Variants in ANKFY1 observed in about 807,000 individuals in gnomAD.
The protein encoded by ANKFY1 is ankyrin repeat and FYVE domain-containing protein 1.
A neutral mutation model predicts 128.3 loss-of-function variants in ANKFY1; 47 were observed. That is an observed-to-expected ratio of 0.37 (90% CI 0.29 to 0.47). ANKFY1 has a LOEUF of 0.47. Ranked by LOEUF, ANKFY1 falls within the 20% of genes least tolerant of loss-of-function variation. The probability of loss-of-function intolerance (pLI) is 1.00; values close to 1 mark genes in which losing one functional copy is unlikely to be tolerated. For missense variants in ANKFY1, 1,222 were observed against 1,510.6 expected (o/e 0.81, Z 3.17); for synonymous variants, 553 against 601.6 (o/e 0.92, Z 1.18).
At chr17:4,201,485 T>C (rs1169166612) in intron 7 of ANKFY1, among the ~76,000 whole-genome samples, 7 of 1,574 alleles carry the variant, frequency 4.4e-3, no homozygotes, top group African/African-American at 5.8e-3. Flanking sequence ...TCTGATTTTT[T>C]TTTTTTTTTT....
rs746321528 is a variant in ANKFY1 at position 4,182,337 on chromosome 17, C to A, written c.1965G>T (p.Gly655=). ...QADINVRTQD[G]ETALQLAIRN... Reference sequence around the variant, plus strand: ...TGATGGCCAGCTGGAGGGCTGTCTCCCCGTCCTGAGTCCTGCTAGGACATG... The same window carrying A: ...TGATGGCCAGCTGGAGGGCTGTCTCACCGTCCTGAGTCCTGCTAGGACATG... The change falls in exon 15 of 25, where the codon GGG becomes GGT. Residue 655 remains glycine (G), a synonymous_variant. Transcript: ENST00000341657. 3.1e-5 allele frequency: 49 copies of A among 1,580,628 alleles called. No individual in the cohort carries two copies. The East Asian group carries it at 6.6e-4, about 21-fold the overall frequency.
intron 4 of ANKFY1, 81 bp from the exon 5 acceptor site, chr17:4,210,028 C>T: frequency 7.1e-7 from 1 of 1,414,410 alleles, no homozygotes; most frequent in Non-Finnish European, 9.7e-7. Context: ...CATCTTTGTA[C>T]TGGCTGGCTA....
Position 4,246,783 on chromosome 17 carries a change from T to C in ANKFY1, c.11-4335A>G, listed in dbSNP as rs376500873. Among the ~76,000 whole-genome samples, 102 of 152,318 alleles carry C rather than the reference T, an allele frequency of 6.7e-4. 1 individual carries two copies. In the South Asian group the frequency reaches 0.019, roughly 29 times the overall value. ...TGCAAATATTTATGCATTAAGCATT[T>C]TGGCAGATTAGGAGGTGCCTCTTTT... On this transcript the variant is annotated intron_variant, in intron 1 of 24. Coordinates refer to ENST00000341657, the MANE Select transcript of ANKFY1 (RefSeq NM_001330063.2).
At chr17:4,184,707 A>G (rs2059579207) in intron 12 of ANKFY1, 111 bp downstream of exon 12, 1 of 1,213,654 alleles carries the variant, frequency 8.2e-7, no homozygotes, top group African/African-American at 1.5e-5. Flanking sequence ...TTTGGGGGTA[A>G]GAAACTAGCC....
At chr17:4,218,073 G>C (rs932886154) in intron 3 of ANKFY1, among the ~76,000 whole-genome samples, 8 of 152,150 alleles carry the variant, frequency 5.3e-5, no homozygotes, top group African/African-American at 1.9e-4. Flanking sequence ...GATACAAATA[G>C]GTAATTCACA....
chr17:4,227,249 A>C (rs1457131513), intron 3 of ANKFY1, among the ~76,000 whole-genome samples: 2 of 152,190 alleles, frequency 1.3e-5, no homozygotes, highest in Non-Finnish European at 2.9e-5. Flanking sequence ...AATCTGATAG[A>C]GACATTAAAA....
intron 19 of ANKFY1, among the ~76,000 whole-genome samples, chr17:4,175,890 G>A (rs998340818): frequency 6.6e-6 from 1 of 152,138 alleles, no homozygotes; most frequent in African/African-American, 2.4e-5. Flanking sequence ...TGGAAGACCC[G>A]CTGTTTCTAG....
intron 1 of ANKFY1, among the ~76,000 whole-genome samples, chr17:4,251,023 G>A (rs1279135411): frequency 1.3e-5 from 2 of 152,162 alleles, no homozygotes; most frequent in East Asian, 3.8e-4. Context: ...GCATTTACCT[G>A]ACTCAAGGCT....
intron 5 of ANKFY1, among the ~76,000 whole-genome samples, chr17:4,209,250 TGGAG>T (rs2060082178): frequency 1.3e-5 from 2 of 152,180 alleles, no homozygotes; most frequent in Non-Finnish European, 2.9e-5. Flanking sequence ...CTTCCACAGA[TGGAG>T]GGTGAAGGCA....
At chr17:4,204,018 C>T (rs939322385) in intron 7 of ANKFY1, among the ~76,000 whole-genome samples, 14 of 152,106 alleles carry the variant, frequency 9.2e-5, no homozygotes, top group African/African-American at 3.4e-4. Flanking sequence ...TCCCCCAAGA[C>T]ACTGCCTGCC....
chr17:4,218,401 A>T (rs900639860), intron 3 of ANKFY1, among the ~76,000 whole-genome samples: 3 of 152,246 alleles, frequency 2.0e-5, no homozygotes, highest in Admixed American at 2.0e-4. Context: ...TATATTCAAC[A>T]TAAGATATTT....
chr17:4,175,562 C>G (rs2059397974), intron 19 of ANKFY1, among the ~76,000 whole-genome samples: 1 of 152,158 alleles, frequency 6.6e-6, no homozygotes, highest in South Asian at 2.1e-4. Context: ...CTGGTTCCTC[C>G]GTGTGTACAG....
intron 1 of ANKFY1, among the ~76,000 whole-genome samples, chr17:4,251,581 A>G (rs1967835883): frequency 6.6e-6 from 1 of 151,798 alleles, no homozygotes; most frequent in South Asian, 2.1e-4. Flanking sequence ...ACTAAAACAT[A>G]GCAAAAATCT....
At chr17:4,254,393 G>C (rs1219308014) in intron 1 of ANKFY1, among the ~76,000 whole-genome samples, 10 of 150,978 alleles carry the variant, frequency 6.6e-5, no homozygotes, top group African/African-American at 2.4e-4. Context: ...AGAACAGAGA[G>C]AAATTTGAAG....
At chr17:4,195,639 C>CT (rs941880422) in intron 8 of ANKFY1, among the ~76,000 whole-genome samples, 168 bp from the exon 9 acceptor site, 2 of 152,138 alleles carry the variant, frequency 1.3e-5, no homozygotes, top group African/African-American at 4.8e-5. Context: ...AACGGATCTG[C>CT]TTATATGTGA....
In ANKFY1 at chr17:4,164,633, C is replaced by A. The variant is rs985413029; in HGVS notation, c.*3146G>T. On this transcript the variant is annotated 3_prime_UTR_variant, in exon 25 of 25. Transcript: ENST00000341657. ...AAGCATTACATAGTTCAAAAGTGTT[C>A]TTTTTCTCCAGATAAAAGAAACCTA... 2.0e-5 allele frequency: 3 copies of A among 152,256 alleles called. No homozygotes were observed. The highest frequency in any genetic ancestry group is 7.2e-5 in the African/African-American group (3 of 41,464). The allele number at this position is 152,256 out of a possible 1,614,324, so 9.4% of individuals were successfully genotyped here.
In ANKFY1 at chr17:4,195,431, C is replaced by T. The variant is rs2059799798; in HGVS notation, c.1144G>A (p.Val382Met). 1 of 1,614,184 alleles carries T rather than the reference C, an allele frequency of 6.2e-7. No homozygotes were observed. The highest frequency in any genetic ancestry group is 8.5e-7 in the Non-Finnish European group (1 of 1,180,042). The change falls in exon 9 of 25, where the codon GTG becomes ATG. Residue 382 changes from valine to methionine, a missense_variant. By Grantham distance (21) the Val-to-Met change is conservative (BLOSUM62 1). Transcript: ENST00000341657. ...HVSIMAGNEY[V>M]FSQLLQCKQL... ...TTGCACTGCAGCAGCTGACTGAACA[C>T]ATATTCATTCCCGGCCATGATGGAC...
chr17:4,256,900 T>G (rs372007255), intron 1 of ANKFY1, among the ~76,000 whole-genome samples: 4 of 152,198 alleles, frequency 2.6e-5, no homozygotes, highest in African/African-American at 9.6e-5. Flanking sequence ...TCACCGTGTA[T>G]AGCAGTGACA....
rs1351641955 is a variant in ANKFY1 at position 4,185,017 on chromosome 17, C to T, written c.1500G>A (p.Arg500=). 6 of 1,613,424 alleles carry T rather than the reference C, an allele frequency of 3.7e-6. No individual in the cohort carries two copies. The highest frequency in any genetic ancestry group is 3.3e-4 in the Middle Eastern group (2 of 6,072). ...WGETPLHTAC[R]HGLANLTAEL... is the part of the protein sequence containing the mutation. ...CTGCCGTGAGGTTGGCCAGGCCATGCCGACACGCTGTGTGCAACGGGGTTT... is the reference window on the plus strand; with the variant it reads ...CTGCCGTGAGGTTGGCCAGGCCATGTCGACACGCTGTGTGCAACGGGGTTT... The change falls in exon 12 of 25, where the codon CGG becomes CGA. Residue 500 remains arginine (R), a synonymous_variant. Coordinates refer to ENST00000341657, the MANE Select transcript of ANKFY1 (RefSeq NM_001330063.2).
Sources: gnomAD v4.1 joint callset for allele counts (sites outside exome capture counted in the v4.1 genomes callset) on GRCh38, gnomAD v4.1.1 for gene constraint, MANE v1.5 for transcripts, NCBI Gene and HGNC (gene_info 2026-07-23, HGNC 2026-07-21) for gene names.